Variants in SLC9C2 observed in about 807,000 individuals in gnomAD.
The protein encoded by SLC9C2 is sodium/hydrogen exchanger 11.
In SLC9C2, 75 loss-of-function variants were observed where a neutral mutation model predicts 140.2. The observed-to-expected ratio is 0.53, with a 90% CI of 0.44 to 0.65. The LOEUF is 0.65. Among genes scored for constraint, SLC9C2 ranks in the 30% least tolerant of loss-of-function variants. The probability of loss-of-function intolerance (pLI) is 0.00; values close to 1 mark genes in which losing one functional copy is unlikely to be tolerated. For missense variants in SLC9C2, 1,074 were observed against 1,331.8 expected (o/e 0.81, Z 3.01); for synonymous variants, 375 against 420.9 (o/e 0.89, Z 1.34).
chr1:173,575,219 C>T (rs573627889), intron 8 of SLC9C2, among the ~76,000 whole-genome samples: 26 of 152,212 alleles, frequency 1.7e-4, no homozygotes, highest in Non-Finnish European at 3.2e-4. Flanking sequence ...CATATTGTTA[C>T]TTTCTTATAT....
chr1:173,591,975 T>C (rs1179628015), intron 4 of SLC9C2, among the ~76,000 whole-genome samples: 1 of 152,230 alleles, frequency 6.6e-6, no homozygotes, highest in Non-Finnish European at 1.5e-5. Flanking sequence ...TCCTAGCTTA[T>C]CTTCCATGGT....
intron 19 of SLC9C2, among the ~76,000 whole-genome samples, chr1:173,526,231 C>T (rs1000844506): frequency 2.0e-5 from 3 of 152,240 alleles, no homozygotes; most frequent in Non-Finnish European, 2.9e-5. Context: ...CAGGAAATGA[C>T]ATTCGTTGCA....
chr1:173,540,224 G>A (rs781421936), intron 13 of SLC9C2, among the ~76,000 whole-genome samples: 2 of 152,192 alleles, frequency 1.3e-5, no homozygotes, highest in African/African-American at 4.8e-5. Flanking sequence ...TGCCAAACCT[G>A]CGAGTGAGGA....
intron 9 of SLC9C2, among the ~76,000 whole-genome samples, chr1:173,559,183 G>T (rs913979599): frequency 6.6e-6 from 1 of 152,194 alleles, no homozygotes; most frequent in Admixed American, 6.5e-5. Flanking sequence ...GTCTTTTCTA[G>T]TTTAAAGATT....
At chr1:173,544,474 G>C (rs914228557) in intron 13 of SLC9C2, among the ~76,000 whole-genome samples, 1 of 152,120 alleles carries the variant, frequency 6.6e-6, no homozygotes, top group Non-Finnish European at 1.5e-5. Flanking sequence ...TCTAGAACTA[G>C]AAATACCATT....
intron 23 of SLC9C2, among the ~76,000 whole-genome samples, chr1:173,516,221 A>G (rs1330356199): frequency 1.3e-5 from 2 of 152,148 alleles, no homozygotes; most frequent in Admixed American, 1.3e-4. Flanking sequence ...AATTCCCCAC[A>G]CCTAGTGAAA....
chr1:173,514,478 C>CT (rs900036185), intron 23 of SLC9C2, among the ~76,000 whole-genome samples: 41 of 151,278 alleles, frequency 2.7e-4, no homozygotes, highest in East Asian at 1.2e-3. Context: ...TCAACCCCTG[C>CT]TTTTTTTTTG....
intron 9 of SLC9C2, among the ~76,000 whole-genome samples, chr1:173,560,060 A>G (rs1663996842): frequency 6.6e-6 from 1 of 152,252 alleles, no homozygotes; most frequent in South Asian, 2.1e-4. Flanking sequence ...TCTTCAGCAA[A>G]GCCTGGCTTT....
intron 23 of SLC9C2, among the ~76,000 whole-genome samples, chr1:173,513,437 T>C (rs1165102238): frequency 2.0e-5 from 3 of 152,236 alleles, no homozygotes; most frequent in Non-Finnish European, 4.4e-5. Context: ...TTAGATTTTC[T>C]AGTTTATTTA....
intron 23 of SLC9C2, among the ~76,000 whole-genome samples, chr1:173,517,326 A>G (rs1381384147): frequency 6.6e-6 from 1 of 152,222 alleles, no homozygotes; most frequent in African/African-American, 2.4e-5. Flanking sequence ...ACTGAGACTT[A>G]AGGAGGTTAA....
chr1:173,549,381 G>C (rs965296536), intron 11 of SLC9C2, among the ~76,000 whole-genome samples: 15 of 152,208 alleles, frequency 9.9e-5, no homozygotes, highest in African/African-American at 3.4e-4. Flanking sequence ...GGAGCAAAGA[G>C]GCATCTGACT....
chr1:173,582,887 T>C (rs1665630989), intron 6 of SLC9C2, among the ~76,000 whole-genome samples: 1 of 152,224 alleles, frequency 6.6e-6, no homozygotes, highest in Non-Finnish European at 1.5e-5. Flanking sequence ...ACTCAGTCAC[T>C]GAGATCCAGA....
intron 5 of SLC9C2, among the ~76,000 whole-genome samples, chr1:173,586,993 TTTG>T (rs562646068): frequency 2.2e-4 from 33 of 152,026 alleles, no homozygotes; most frequent in Non-Finnish European, 3.7e-4. Context: ...GTATCCCATT[TTTG>T]TTGTTGTTGT....
chr1:173,554,880 G>A (rs951559489), intron 10 of SLC9C2, 66 bp from the exon 11 acceptor site: 2 of 924,422 alleles, frequency 2.2e-6, no homozygotes, highest in African/African-American at 1.7e-5. Context: ...AGCAATCATT[G>A]TTCAATTAGC....
Position 173,500,474 on chromosome 1 carries a change from TA to T in SLC9C2, c.*619del, listed in dbSNP as rs1380009096. On this transcript the variant is annotated 3_prime_UTR_variant, in exon 28 of 28. Coordinates refer to ENST00000367714, the MANE Select transcript of SLC9C2 (RefSeq NM_178527.4). The stretch of plus-strand genomic sequence containing the variant: ...GGTTCTAATAATAAATAGACAACCA[TA>T]AAACTCAACTTTATTTGATTTTTAA... 6.6e-6 allele frequency: 1 copy of T among 152,200 alleles called. No homozygotes were observed. Among genetic ancestry groups the T allele is most frequent in the African/African-American group, 2.4e-5 (1 of 41,436 alleles). 9.4% of individuals were successfully genotyped at this position (152,200 alleles called of 1,614,324 possible).
At chr1:173,581,511 C>A (rs1255950823) in intron 7 of SLC9C2, among the ~76,000 whole-genome samples, 1 of 152,134 alleles carries the variant, frequency 6.6e-6, no homozygotes, top group Admixed American at 6.5e-5. Context: ...TCTCAGTTTG[C>A]AGATGGTTTG....
chr1:173,537,641 C>G (rs567395875), intron 13 of SLC9C2, among the ~76,000 whole-genome samples: 1 of 151,820 alleles, frequency 6.6e-6, no homozygotes, highest in South Asian at 2.1e-4. Context: ...CACATATATA[C>G]GCATATTATA....
At chr1:173,525,176 C>T (rs1661110901) in intron 19 of SLC9C2, among the ~76,000 whole-genome samples, 1 of 152,300 alleles carries the variant, frequency 6.6e-6, no homozygotes. Flanking sequence ...CATGGCATCT[C>T]CTCCATATCT....
intron 9 of SLC9C2, among the ~76,000 whole-genome samples, chr1:173,564,912 C>T (rs1571572480): frequency 1.3e-5 from 2 of 151,390 alleles, no homozygotes; most frequent in African/African-American, 4.8e-5. Flanking sequence ...GCTGGGATTA[C>T]AGGCGTGAGC....
Sources: gnomAD v4.1 joint callset for allele counts (sites outside exome capture counted in the v4.1 genomes callset) on GRCh38, gnomAD v4.1.1 for gene constraint, MANE v1.5 for transcripts, NCBI Gene and HGNC (gene_info 2026-07-23, HGNC 2026-07-21) for gene names.